The following AEBP2 variants were observed in gnomAD, a reference collection of about 807,000 sequenced individuals.
AEBP2 encodes zinc finger protein AEBP2.
AEBP2 carries 10 observed loss-of-function variants against 50.8 expected under a neutral mutation model. That is an observed-to-expected ratio of 0.20 (90% CI 0.12 to 0.33). The LOEUF (loss-of-function observed/expected upper bound fraction) is 0.33, where lower values mean the gene tolerates loss of function less well. Among genes scored for constraint, AEBP2 ranks in the 10% least tolerant of loss-of-function variants. The probability of loss-of-function intolerance (pLI) is 1.00; values close to 1 mark genes in which losing one functional copy is unlikely to be tolerated. For missense variants in AEBP2, 570 were observed against 688.0 expected, an observed-to-expected ratio of 0.83 and a Z score of 1.92; for synonymous variants, 296 against 261.3, an observed-to-expected ratio of 1.13 and a Z score of -1.28.
At chr12:19,408,369 C>T (rs1371634600) in intron 1 of AEBP2, among the ~76,000 whole-genome samples, 2 of 151,332 alleles carry the variant, frequency 1.3e-5, no homozygotes, top group Non-Finnish European at 2.9e-5. Flanking sequence ...CCAGCCTGGC[C>T]AACATGGTGA....
At chr12:19,513,855 G>A (rs1192660961) in intron 6 of AEBP2, among the ~76,000 whole-genome samples, 2 of 143,558 alleles carry the variant, frequency 1.4e-5, no homozygotes, top group African/African-American at 5.1e-5. Context: ...TTCTTGTAGA[G>A]TTGAATTTCT....
chr12:19,474,672 G>A (rs1948621591), intron 3 of AEBP2, among the ~76,000 whole-genome samples: 1 of 152,006 alleles, frequency 6.6e-6, no homozygotes, highest in Admixed American at 6.6e-5. Context: ...TTTTAGAGCA[G>A]CTTTAAATAC....
chr12:19,508,440 T>C lies in AEBP2; in HGVS notation c.1300-3958T>C, dbSNP rs552962714. On this transcript the variant is annotated intron_variant, in intron 5 of 7. Transcript: ENST00000266508. ...GCTTTTACTCAGTCCTAATATGTTT[T>C]CAGGATTACAAGATTATTTTGTTTG... is the stretch of plus-strand genomic sequence containing the variant. 2.0e-5 allele frequency among the ~76,000 whole-genome samples: 3 copies of C among 152,308 alleles called. No individual in the cohort carries two copies. The South Asian group carries it at 6.2e-4, about 32-fold the overall frequency.
intron 1 of AEBP2, among the ~76,000 whole-genome samples, chr12:19,453,745 G>A (rs1485252778): frequency 3.9e-5 from 6 of 152,020 alleles, no homozygotes; most frequent in Non-Finnish European, 5.9e-5. Flanking sequence ...AATTTGAAGT[G>A]GGTGTTTGTG....
At chr12:19,466,672 A>C (rs1284945337) in intron 2 of AEBP2, 6 of 346,706 alleles carry the variant, frequency 1.7e-5, no homozygotes, top group African/African-American at 1.3e-4. Context: ...GTAGGTATCT[A>C]ATATAAGTAG....
intron 3 of AEBP2, among the ~76,000 whole-genome samples, chr12:19,491,099 G>C (rs561162676): frequency 4.6e-5 from 7 of 152,314 alleles, no homozygotes; most frequent in Admixed American, 3.9e-4. Flanking sequence ...GGTTTGCAGT[G>C]ACCTTGGCAG....
chr12:19,445,020 A>G (rs1250258148), intron 1 of AEBP2, among the ~76,000 whole-genome samples: 1 of 151,050 alleles, frequency 6.6e-6, no homozygotes, highest in African/African-American at 2.4e-5. Flanking sequence ...CTGGCCCAAC[A>G]GTAGTATTTA....
At chr12:19,436,537 G>A (rs112412698), upstream of AEBP2, among the ~76,000 whole-genome samples, 632 of 151,542 alleles carry the variant, frequency 4.2e-3, 6 homozygotes, top group African/African-American at 0.015. Context: ...CGGGATCGGG[G>A]CCCCTTTCTG....
chr12:19,469,451 A>G (rs2134137), intron 2 of AEBP2, among the ~76,000 whole-genome samples: 7,365 of 152,190 alleles, frequency 0.048, 392 homozygotes, highest in Admixed American at 0.15. Context: ...AAGGAAGTAG[A>G]TGATTCTTCC....
At chr12:19,446,756 T>C (rs1264255192) in intron 1 of AEBP2, among the ~76,000 whole-genome samples, 1 of 141,860 alleles carries the variant, frequency 7.0e-6, no homozygotes, top group Non-Finnish European at 1.5e-5. Context: ...AAAAAAGATC[T>C]CATCTACAAA....
chr12:19,460,537 A>T (rs1948356733), intron 1 of AEBP2, among the ~76,000 whole-genome samples: 1 of 151,698 alleles, frequency 6.6e-6, no homozygotes, highest in Non-Finnish European at 1.5e-5. Flanking sequence ...TATTTTTAGT[A>T]GAGATGTGGT....
At chr12:19,426,542 G>A (rs1402050917) in intron 1 of AEBP2, among the ~76,000 whole-genome samples, 1 of 152,180 alleles carries the variant, frequency 6.6e-6, no homozygotes, top group South Asian at 2.1e-4. Flanking sequence ...TACCGAAGAA[G>A]AGAGGTGTGA....
chr12:19,469,774 A>T (rs902637595), intron 2 of AEBP2, among the ~76,000 whole-genome samples: 6 of 152,166 alleles, frequency 3.9e-5, no homozygotes, highest in Non-Finnish European at 8.8e-5. Context: ...GTTATGTCTG[A>T]TACAACCTAA....
At chr12:19,503,085 A>G (rs1042882245) in intron 5 of AEBP2, among the ~76,000 whole-genome samples, 1 of 152,062 alleles carries the variant, frequency 6.6e-6, no homozygotes, top group Non-Finnish European at 1.5e-5. Context: ...GCTCCTTTTC[A>G]TTCCATGTGA....
chr12:19,458,722 C>T (rs1203440593), intron 1 of AEBP2, among the ~76,000 whole-genome samples: 1 of 152,166 alleles, frequency 6.6e-6, no homozygotes, highest in Non-Finnish European at 1.5e-5. Flanking sequence ...CTTAACCTTA[C>T]TGTGTCCAGT....
At chr12:19,447,531 C>T (rs1277273506) in intron 1 of AEBP2, among the ~76,000 whole-genome samples, 1 of 152,136 alleles carries the variant, frequency 6.6e-6, no homozygotes, top group African/African-American at 2.4e-5. Flanking sequence ...CCAGACACAA[C>T]CGTCACTAGA....
chr12:19,487,310 T>G (rs188347684), intron 3 of AEBP2, among the ~76,000 whole-genome samples: 152 of 152,302 alleles, frequency 1.0e-3, no homozygotes, highest in Admixed American at 1.7e-3. Context: ...ATAATTTATA[T>G]ACATAAAATT....
intron 1 of AEBP2, chr12:19,456,635 T>C (rs1948274087): frequency 5.9e-6 from 9 of 1,526,664 alleles, no homozygotes; most frequent in Non-Finnish European, 8.2e-6. Context: ...CTTCCATTGG[T>C]GGGTCATCTT....
At chr12:19,408,149 T>C (rs1248504273) in intron 1 of AEBP2, among the ~76,000 whole-genome samples, 1 of 152,134 alleles carries the variant, frequency 6.6e-6, no homozygotes, top group African/African-American at 2.4e-5. Context: ...AGAATACGTA[T>C]GTGTAGCTAC....
Sources: gnomAD v4.1 joint callset for allele counts (sites outside exome capture counted in the v4.1 genomes callset) on GRCh38, gnomAD v4.1.1 for gene constraint, MANE v1.5 for transcripts, NCBI Gene and HGNC (gene_info 2026-07-23, HGNC 2026-07-21) for gene names.